WDR49: variants seen among roughly 807,000 people sequenced by gnomAD.
WDR49 encodes the protein WD repeat domain 49, also known as cilia- and flagella-associated protein 337.
WDR49 carries 107 observed loss-of-function variants against 119.5 expected under a neutral mutation model. The observed-to-expected ratio is 0.90, with a 90% CI of 0.77 to 1.05. The LOEUF (loss-of-function observed/expected upper bound fraction) is 1.05. WDR49 is among the 50% of genes least tolerant of loss of function. WDR49 has a pLI of 0.00. For synonymous variants in WDR49, 425 were observed against 418.8 expected (o/e 1.01, Z -0.18); for missense variants, 1,240 against 1,220.5 (o/e 1.02, Z -0.24).
chr3:167,544,498 A>T (rs983281162), intron 10 of WDR49, among the ~76,000 whole-genome samples: 1 of 150,710 alleles, frequency 6.6e-6, no homozygotes, highest in Non-Finnish European at 1.5e-5. Flanking sequence ...TAAAAAGGCA[A>T]ATAGACCAGA....
chr3:167,633,063 G>A (rs911454082), intron 2 of WDR49, among the ~76,000 whole-genome samples: 2 of 151,284 alleles, frequency 1.3e-5, no homozygotes, highest in African/African-American at 2.4e-5. Flanking sequence ...CAGCAATGAC[G>A]GTTTTCTGAG....
At chr3:167,520,760 G>C (rs184825027) in intron 16 of WDR49, among the ~76,000 whole-genome samples, 1 of 152,270 alleles carries the variant, frequency 6.6e-6, no homozygotes, top group African/African-American at 2.4e-5. Flanking sequence ...GAGGTGGTTA[G>C]ACTCTGTGTG....
At chr3:167,528,173 C>T (rs571724427) in intron 14 of WDR49, among the ~76,000 whole-genome samples, 156 bp from the exon 15 acceptor site, 14 of 151,122 alleles carry the variant, frequency 9.3e-5, no homozygotes, top group African/African-American at 2.2e-4. Context: ...GGCTAGAAAA[C>T]GAAATTACAT....
At chr3:167,539,172 G>C (rs965258823) in intron 10 of WDR49, among the ~76,000 whole-genome samples, 1 of 152,104 alleles carries the variant, frequency 6.6e-6, no homozygotes, top group African/African-American at 2.4e-5. Context: ...ATTAATGCAA[G>C]AGAACGCAAA....
chr3:167,481,067 A>T (rs1352415180), intron 18 of WDR49, among the ~76,000 whole-genome samples: 1 of 32,008 alleles, frequency 3.1e-5, no homozygotes, highest in Non-Finnish European at 5.5e-5. Flanking sequence ...TATTTCAAGC[A>T]AAAAAAAAAA....
At chr3:167,652,728 T>C (rs1274993277) in intron 2 of WDR49, among the ~76,000 whole-genome samples, 1 of 152,210 alleles carries the variant, frequency 6.6e-6, no homozygotes, top group Non-Finnish European at 1.5e-5. Context: ...ATTTACAAAA[T>C]GAGTGGGAGA....
chr3:167,546,323 C>CA (rs1274115877), intron 10 of WDR49, among the ~76,000 whole-genome samples: 14 of 152,044 alleles, frequency 9.2e-5, no homozygotes, highest in Admixed American at 7.9e-4. Context: ...ACTTTCCCCT[C>CA]AAAACCTAAC....
chr3:167,532,119 A>C (rs1474960464), intron 12 of WDR49, among the ~76,000 whole-genome samples: 1 of 151,964 alleles, frequency 6.6e-6, no homozygotes, highest in Non-Finnish European at 1.5e-5. Context: ...TTGTTTTCCT[A>C]CTCTTAAGAA....
chr3:167,656,016 C>G (rs576360249), upstream of WDR49, among the ~76,000 whole-genome samples: 1 of 152,078 alleles, frequency 6.6e-6, no homozygotes, highest in Non-Finnish European at 1.5e-5. Context: ...GGCAATTATC[C>G]GTCTAGCTCA....
chr3:167,530,410 A>G (rs1752804976), intron 13 of WDR49, among the ~76,000 whole-genome samples: 1 of 152,138 alleles, frequency 6.6e-6, no homozygotes, highest in Admixed American at 6.6e-5. Context: ...CATTTTGGAA[A>G]GATGCAGGCT....
rs1381637336 is a variant in WDR49, at chr3:167,653,275, G to A, written c.151C>T (p.Gln51Ter). ...QLSVGDFVKI[Q>*]KAFESPQPRK... ...TTCACACTTACCTCAAAGGCCTTCTGTATTTTTACAAAGTCACCCACGCTG... is the reference window on the plus strand; with the variant it reads ...TTCACACTTACCTCAAAGGCCTTCTATATTTTTACAAAGTCACCCACGCTG... Residue 51 changes from glutamine (Q) to a stop codon, truncating the protein, a stop_gained, in exon 2 of 19, where the codon CAG (glutamine) becomes TAG (stop). Transcript: ENST00000682715. LOFTEE classifies it high-confidence loss of function. 6.5e-7 allele frequency: 1 copy of A among 1,536,128 alleles called. No homozygotes were observed. The highest frequency in any genetic ancestry group is 2.0e-5 in the Admixed American group (1 of 50,986).
intron 15 of WDR49, among the ~76,000 whole-genome samples, chr3:167,526,576 C>T (rs1577218241): frequency 6.6e-6 from 1 of 152,130 alleles, no homozygotes; most frequent in East Asian, 1.9e-4. Flanking sequence ...TCCCACTTAG[C>T]CGCTTTTTTT....
At chr3:167,517,580 C>T (rs1235530275) in intron 16 of WDR49, among the ~76,000 whole-genome samples, 2 of 151,966 alleles carry the variant, frequency 1.3e-5, no homozygotes, top group African/African-American at 4.8e-5. Flanking sequence ...AGAAGAAAAT[C>T]TAGGCAATGT....
intron 7 of WDR49, among the ~76,000 whole-genome samples, chr3:167,599,892 G>A (rs73878763): frequency 0.02 from 2,995 of 152,234 alleles, 89 homozygotes; most frequent in African/African-American, 0.067. Context: ...AAGTTCCATG[G>A]TGTACTATCT....
intron 2 of WDR49, among the ~76,000 whole-genome samples, chr3:167,628,979 TG>T (rs1191717866): frequency 6.6e-6 from 1 of 152,078 alleles, no homozygotes; most frequent in African/African-American, 2.4e-5. Context: ...TAAATCTGGC[TG>T]GGCACAGTGG....
At chr3:167,536,843 T>C (rs747990831) in intron 11 of WDR49, 27 bp downstream of exon 11, 11 of 1,455,724 alleles carry the variant, frequency 7.6e-6, no homozygotes, top group South Asian at 3.3e-5. Flanking sequence ...ACTTCACCAA[T>C]GATTGTCAAG....
intron 18 of WDR49, among the ~76,000 whole-genome samples, chr3:167,494,553 A>G (rs1751273561): frequency 6.6e-6 from 1 of 152,180 alleles, no homozygotes; most frequent in South Asian, 2.1e-4. Context: ...CAAAATAACT[A>G]AATTCCAGAG....
chr3:167,588,946 A>G (rs1714966838), intron 7 of WDR49, among the ~76,000 whole-genome samples: 1 of 152,054 alleles, frequency 6.6e-6, no homozygotes, highest in African/African-American at 2.4e-5. Context: ...ACTTAATGTG[A>G]TCCCACTCAT....
At chr3:167,595,646 T>C (rs1410620683) in intron 7 of WDR49, among the ~76,000 whole-genome samples, 1 of 152,200 alleles carries the variant, frequency 6.6e-6, no homozygotes, top group African/African-American at 2.4e-5. Flanking sequence ...TAAATGGTGC[T>C]GGGGAAATTG....
Sources: allele counts gnomAD v4.1 joint callset (sites outside exome capture counted in the v4.1 genomes callset), GRCh38; gene constraint gnomAD v4.1.1; transcripts MANE v1.5; gene names NCBI Gene and HGNC (gene_info 2026-07-23, HGNC 2026-07-21).